Variants in SLC12A2 observed in about 807,000 individuals in gnomAD.
SLC12A2 encodes solute carrier family 12 member 2, also known as Na-K-2Cl cotransporter 1.
SLC12A2 carries 67 observed loss-of-function variants against 136.3 expected under a neutral mutation model. The observed-to-expected ratio is 0.49, with a 90% CI of 0.40 to 0.60. The LOEUF is 0.60. Ranked by LOEUF, SLC12A2 falls within the 20% of genes least tolerant of loss-of-function variation. The pLI is 0.00. For missense variants in SLC12A2, 1,322 were observed against 1,534.7 expected (o/e 0.86, Z 2.32); for synonymous variants, 619 against 562.9 (o/e 1.10, Z -1.41).
intron 3 of SLC12A2, 26 bp from the exon 4 acceptor site, chr5:128,114,560 C>T: frequency 6.8e-7 from 1 of 1,460,694 alleles, no homozygotes; most frequent in Non-Finnish European, 9.6e-7. Flanking sequence ...TGTAAGTATT[C>T]TCATTGTCTT....
chr5:128,121,775 C>T (rs777227855), intron 4 of SLC12A2, among the ~76,000 whole-genome samples: 11 of 152,158 alleles, frequency 7.2e-5, no homozygotes, highest in Non-Finnish European at 1.3e-4. Flanking sequence ...TAATGCTTTT[C>T]AGATTATTGC....
intron 19 of SLC12A2, among the ~76,000 whole-genome samples, chr5:128,173,602 TG>T (rs1221232321): frequency 1.3e-5 from 2 of 152,164 alleles, no homozygotes; most frequent in Non-Finnish European, 2.9e-5. Context: ...TTCTGTTAGA[TG>T]TTTTGTAGCC....
chr5:128,087,731 A>G (rs1760152245), intron 1 of SLC12A2, among the ~76,000 whole-genome samples: 1 of 152,200 alleles, frequency 6.6e-6, no homozygotes, highest in African/African-American at 2.4e-5. Flanking sequence ...TGGCAGGGGC[A>G]AGAATGGAAG....
chr5:128,090,334 G>C lies in SLC12A2; in HGVS notation c.756+5624G>C, dbSNP rs1051734686. Among the ~76,000 whole-genome samples the C allele has an allele frequency of 3.3e-5, 5 of 152,264 alleles. No individual in the cohort carries two copies. In the East Asian group the frequency reaches 7.7e-4, roughly 24 times the overall value. ...TTATGTTCATACATTTTAAAATCCTGTGAGACTAGAATTTAAAGGACCAAA... is the reference window on the plus strand; with the variant it reads ...TTATGTTCATACATTTTAAAATCCTCTGAGACTAGAATTTAAAGGACCAAA... On this transcript the variant is annotated intron_variant, in intron 1 of 26. Coordinates refer to ENST00000262461, the MANE Select transcript of SLC12A2 (RefSeq NM_001046.3).
chr5:128,098,888 A>G (rs981296052), intron 1 of SLC12A2, among the ~76,000 whole-genome samples: 10 of 151,960 alleles, frequency 6.6e-5, no homozygotes, highest in African/African-American at 2.4e-4. Flanking sequence ...TTAATTTCCA[A>G]TTCCTCTGTT....
intron 15 of SLC12A2, among the ~76,000 whole-genome samples, chr5:128,156,880 C>G (rs1267154322): frequency 6.6e-6 from 1 of 152,120 alleles, no homozygotes; most frequent in Non-Finnish European, 1.5e-5. Context: ...TAGGAACATA[C>G]TTATGGGCTA....
chr5:128,160,212 G>A (rs1027220775), intron 16 of SLC12A2, among the ~76,000 whole-genome samples: 3 of 152,014 alleles, frequency 2.0e-5, no homozygotes, highest in Admixed American at 2.0e-4. Context: ...CACAGGGAGG[G>A]GAACATCACA....
chr5:128,130,367 T>C (rs1256407103), intron 4 of SLC12A2, among the ~76,000 whole-genome samples: 1 of 151,902 alleles, frequency 6.6e-6, no homozygotes, highest in Non-Finnish European at 1.5e-5. Context: ...ATGCAAAAAT[T>C]AGCTGAGCCA....
Position 128,123,598 on chromosome 5 carries a change from C to T in SLC12A2, c.1049-7469C>T, listed in dbSNP as rs377682657. Among the ~76,000 whole-genome samples, 66 of 152,242 alleles carry T rather than the reference C, an allele frequency of 4.3e-4. No individual in the cohort carries two copies. In the South Asian group the frequency reaches 0.013, roughly 29 times the overall value. Reference sequence around the variant, plus strand: ...TGGCTAAAGATGTTGGGTATCTTCTCATGTACTATAAGTGTCTACTCATAT... The same window carrying T: ...TGGCTAAAGATGTTGGGTATCTTCTTATGTACTATAAGTGTCTACTCATAT... On this transcript the variant is annotated intron_variant, in intron 4 of 26. Transcript: ENST00000262461.
chr5:128,091,017 T>A (rs983922273), intron 1 of SLC12A2, among the ~76,000 whole-genome samples: 2 of 152,190 alleles, frequency 1.3e-5, no homozygotes, highest in Non-Finnish European at 2.9e-5. Context: ...CTGATTGTTG[T>A]GTAGAGAATA....
rs1434940774 is a variant in SLC12A2 at position 128,113,033 on chromosome 5, C to G, written c.876+100C>G. 5.7e-6 allele frequency: 6 copies of G among 1,046,042 alleles called. No individual in the cohort carries two copies. In the African/African-American group the frequency reaches 6.5e-5, roughly 11 times the overall value. The allele number at this position is 1,046,042 out of a possible 1,614,324, so 64.8% of individuals were successfully genotyped here. A position where few individuals can be genotyped will look rare whatever the true frequency, so the allele number is the denominator to read the frequency against. On this transcript the variant is annotated intron_variant, in intron 2 of 26. Coordinates refer to ENST00000262461, the MANE Select transcript of SLC12A2 (RefSeq NM_001046.3). ...GTTCTCAAGAGAACTCTTTTTTTCT[C>G]TATGTTAACTGTCTTATCTGAGTGC...
intron 17 of SLC12A2, 66 bp from the exon 18 acceptor site, chr5:128,167,695 A>G: frequency 8.9e-7 from 1 of 1,126,494 alleles, no homozygotes; most frequent in Non-Finnish European, 1.3e-6. Flanking sequence ...GGACAGTTTT[A>G]TCACTTCAGA....
intron 5 of SLC12A2, among the ~76,000 whole-genome samples, chr5:128,131,543 A>G: frequency 6.6e-6 from 1 of 151,794 alleles, no homozygotes; most frequent in Non-Finnish European, 1.5e-5. Flanking sequence ...AATACAAAAA[A>G]AAAAAAAAAA....
At position 128,135,801 on chromosome 5, in the gene SLC12A2, T is replaced by C; in HGVS notation, c.1401T>C (p.Gly467=). 1 of 1,571,176 alleles carries C rather than the reference T, an allele frequency of 6.4e-7. No individual in the cohort carries two copies. The highest frequency in any genetic ancestry group is 1.1e-5 in the South Asian group (1 of 88,294). The change falls in exon 7 of 27, where the codon GGT becomes GGC. Residue 467 remains glycine, a synonymous_variant. Transcript: ENST00000262461. ...LESKKPKGFF[G]YKSEIFNENF... ...GCAAGAAGCCAAAAGGGTTTTTTGGTTATAAATGTAAGTAAAAAAGATTCA... is the reference window on the plus strand; with the variant it reads ...GCAAGAAGCCAAAAGGGTTTTTTGGCTATAAATGTAAGTAAAAAAGATTCA...
chr5:128,149,955 T>C, intron 12 of SLC12A2, 42 bp from the exon 13 acceptor site: 6 of 1,295,948 alleles, frequency 4.6e-6, no homozygotes, highest in Non-Finnish European at 5.6e-6. Context: ...AAAAGTTAAA[T>C]GTCTAATACG....
chr5:128,102,596 CTTTTTTT>C (rs70997362), intron 1 of SLC12A2, among the ~76,000 whole-genome samples: 4 of 40,448 alleles, frequency 9.9e-5, no homozygotes, highest in Admixed American at 3.1e-4. Flanking sequence ...CCCCCCCCGC[CTTTTTTT>C]TTTTTTTTTT....
intron 4 of SLC12A2, 41 bp from the exon 5 acceptor site, chr5:128,131,026 A>G: frequency 6.3e-7 from 1 of 1,596,612 alleles, no homozygotes; most frequent in Non-Finnish European, 8.6e-7. Flanking sequence ...TTAAATCCTA[A>G]CTTTAGTACC....
At chr5:128,146,506 A>G (rs77836088) in intron 10 of SLC12A2, among the ~76,000 whole-genome samples, 4,815 of 149,454 alleles carry the variant, frequency 0.032, 274 homozygotes, top group African/African-American at 0.11. Flanking sequence ...ACCTGAATTC[A>G]TGATCTTAGT....
At chr5:128,148,990 CAAA>C (rs1390558351) in intron 12 of SLC12A2, 113 bp downstream of exon 12, 5 of 953,012 alleles carry the variant, frequency 5.2e-6, no homozygotes, top group Non-Finnish European at 7.7e-6. Context: ...TCTTTGTAAT[CAAA>C]GAAAGTTTAT....
Sources: allele counts gnomAD v4.1 joint callset (sites outside exome capture counted in the v4.1 genomes callset), GRCh38; gene constraint gnomAD v4.1.1; transcripts MANE v1.5; gene names NCBI Gene and HGNC (gene_info 2026-07-23, HGNC 2026-07-21).